Variants in HCN1 observed in about 807,000 individuals in gnomAD.
HCN1 encodes the protein potassium/sodium hyperpolarization-activated cyclic nucleotide-gated channel 1.
Under a neutral mutation model 78.9 loss-of-function variants are expected in HCN1, and 13 were observed. That is an observed-to-expected ratio of 0.16 (90% CI 0.11 to 0.26). HCN1 has a LOEUF of 0.26. HCN1 is among the 10% of genes least tolerant of loss of function. HCN1 has a pLI of 1.00. For synonymous variants in HCN1, 552 were observed against 455.5 expected, an observed-to-expected ratio of 1.21 and a Z score of -2.70; for missense variants, 810 against 1,154.3, an observed-to-expected ratio of 0.70 and a Z score of 4.32.
At chr5:45,646,822 T>G (rs1297747037) in intron 1 of HCN1, among the ~76,000 whole-genome samples, 1 of 152,154 alleles carries the variant, frequency 6.6e-6, no homozygotes, top group East Asian at 1.9e-4. Context: ...TGTATAATCA[T>G]GAAATGTATC....
chr5:45,583,971 G>C (rs199514282), intron 2 of HCN1, among the ~76,000 whole-genome samples: 25 of 152,232 alleles, frequency 1.6e-4, no homozygotes, highest in African/African-American at 5.3e-4. Context: ...TTTTGGAATA[G>C]GTGTGGTGTG....
intron 2 of HCN1, among the ~76,000 whole-genome samples, chr5:45,626,672 G>T (rs547281226): frequency 6.6e-6 from 1 of 151,900 alleles, no homozygotes; most frequent in Non-Finnish European, 1.5e-5. Flanking sequence ...AGGACCAAGC[G>T]TCAAAAAACA....
chr5:45,362,046 C>G (rs970526995), intron 4 of HCN1, among the ~76,000 whole-genome samples: 1 of 151,960 alleles, frequency 6.6e-6, no homozygotes, highest in Non-Finnish European at 1.5e-5. Flanking sequence ...ATCATTATAA[C>G]CATTGTAATA....
chr5:45,409,380 A>G (rs1025703415), intron 3 of HCN1, among the ~76,000 whole-genome samples: 2 of 152,120 alleles, frequency 1.3e-5, no homozygotes, highest in African/African-American at 4.8e-5. Flanking sequence ...AGAGATGGGC[A>G]TAACTAAAAT....
chr5:45,693,044 C>T (rs1739944207), intron 1 of HCN1, among the ~76,000 whole-genome samples: 1 of 152,018 alleles, frequency 6.6e-6, no homozygotes, highest in Non-Finnish European at 1.5e-5. Flanking sequence ...AGTAAAGCAC[C>T]TCCCTGAAAT....
chr5:45,516,693 T>G (rs1395577564), intron 2 of HCN1, among the ~76,000 whole-genome samples: 1 of 151,914 alleles, frequency 6.6e-6, no homozygotes, highest in Non-Finnish European at 1.5e-5. Context: ...ATAGAAAAAT[T>G]TGATTAATAA....
At chr5:45,348,024 G>T (rs1206947096) in intron 5 of HCN1, among the ~76,000 whole-genome samples, 2 of 152,108 alleles carry the variant, frequency 1.3e-5, no homozygotes, top group Admixed American at 1.3e-4. Flanking sequence ...ACGCCACAAA[G>T]ATACTCCTTG....
At chr5:45,430,436 C>A (rs1459343712) in intron 3 of HCN1, among the ~76,000 whole-genome samples, 1 of 151,350 alleles carries the variant, frequency 6.6e-6, no homozygotes, top group African/African-American at 2.4e-5. Flanking sequence ...TATTCTCTCC[C>A]TTCTCCCACC....
At chr5:45,556,287 A>C (rs1743467947) in intron 2 of HCN1, among the ~76,000 whole-genome samples, 1 of 151,932 alleles carries the variant, frequency 6.6e-6, no homozygotes, top group African/African-American at 2.4e-5. Context: ...GCAAAATGGG[A>C]GAATCTATCC....
chr5:45,547,949 A>G (rs1314816807), intron 2 of HCN1, among the ~76,000 whole-genome samples: 1 of 151,932 alleles, frequency 6.6e-6, no homozygotes, highest in Non-Finnish European at 1.5e-5. Flanking sequence ...TCTTGCCACA[A>G]GATGATTTTT....
chr5:45,264,122 A>G (rs892053071), intron 7 of HCN1, among the ~76,000 whole-genome samples: 2 of 152,112 alleles, frequency 1.3e-5, no homozygotes, highest in African/African-American at 2.4e-5. Context: ...TGCAGCCAAG[A>G]CTGAGACTGA....
At chr5:45,281,310 C>T (rs898142824) in intron 6 of HCN1, among the ~76,000 whole-genome samples, 2 of 151,878 alleles carry the variant, frequency 1.3e-5, no homozygotes, top group African/African-American at 2.4e-5. Flanking sequence ...ATTACTTCCC[C>T]CTTCTCTCTC....
intron 5 of HCN1, among the ~76,000 whole-genome samples, chr5:45,345,885 T>C (rs1222613155): frequency 6.6e-6 from 1 of 152,240 alleles, no homozygotes; most frequent in Non-Finnish European, 1.5e-5. Flanking sequence ...CTGTACCAGT[T>C]TACTGAAATA....
At chr5:45,374,788 GTA>G (rs937199640) in intron 4 of HCN1, among the ~76,000 whole-genome samples, 20 of 142,566 alleles carry the variant, frequency 1.4e-4, no homozygotes, top group African/African-American at 2.6e-4. Flanking sequence ...ATATATGTGT[GTA>G]TATATATATA....
chr5:45,376,275 TAGA>T lies in HCN1; in HGVS notation c.1230+20214_1230+20216del, dbSNP rs1423423402. Among the ~76,000 whole-genome samples the T allele has an allele frequency of 2.2e-5, 3 of 135,870 alleles. 1 individual carries two copies. The highest frequency in any genetic ancestry group is 4.7e-5 in the Non-Finnish European group (3 of 64,316). 89.1% of individuals were successfully genotyped at this position (135,870 alleles called of 152,430 possible). A position where few individuals can be genotyped will look rare whatever the true frequency, so the allele number is the denominator to read the frequency against. ...TAGAATATAGAATATATATTCTATA[TAGA>T]ATATATAGATATATATTGTATTATA... On this transcript the variant is annotated intron_variant, in intron 4 of 7. Coordinates refer to ENST00000303230, the MANE Select transcript of HCN1 (RefSeq NM_021072.4).
intron 2 of HCN1, among the ~76,000 whole-genome samples, chr5:45,570,121 CTTT>C (rs1233002252): frequency 6.6e-6 from 1 of 152,042 alleles, no homozygotes; most frequent in East Asian, 1.9e-4. Context: ...GCTATATTTT[CTTT>C]TTAATTATGT....
chr5:45,370,238 A>T (rs201824815), intron 4 of HCN1, among the ~76,000 whole-genome samples: 1 of 152,094 alleles, frequency 6.6e-6, no homozygotes. Flanking sequence ...AAAAACGGAC[A>T]TATTTATCCA....
At chr5:45,289,021 C>A (rs952746824) in intron 6 of HCN1, among the ~76,000 whole-genome samples, 1 of 151,998 alleles carries the variant, frequency 6.6e-6, no homozygotes, top group Admixed American at 6.6e-5. Flanking sequence ...ATTCATGTAG[C>A]AGATTCCTAA....
At chr5:45,494,906 T>C (rs1207456850) in intron 2 of HCN1, among the ~76,000 whole-genome samples, 2 of 151,408 alleles carry the variant, frequency 1.3e-5, no homozygotes, top group East Asian at 2.0e-4. Context: ...GATCAGATAG[T>C]TGTAGATATG....
Sources: allele counts gnomAD v4.1 joint callset (sites outside exome capture counted in the v4.1 genomes callset), GRCh38; gene constraint gnomAD v4.1.1; transcripts MANE v1.5; gene names NCBI Gene and HGNC (gene_info 2026-07-23, HGNC 2026-07-21).